NKAIN2: variants seen among roughly 807,000 people sequenced by gnomAD.
NKAIN2 encodes the protein sodium/potassium-transporting ATPase subunit beta-1-interacting protein 2.
In NKAIN2, 14 loss-of-function variants were observed where a neutral mutation model predicts 32.6. The ratio of observed to expected loss-of-function variants is 0.43; its 90% CI spans 0.28 to 0.67. The LOEUF is 0.67. Among genes scored for constraint, NKAIN2 ranks in the 30% least tolerant of loss-of-function variants. NKAIN2 has a pLI of 0.17. For synonymous variants in NKAIN2, 80 were observed against 87.2 expected, an observed-to-expected ratio of 0.92 and a Z score of 0.46; for missense variants, 198 against 258.3, an observed-to-expected ratio of 0.77 and a Z score of 1.60.
chr6:124,579,808 A>G (rs911743746), intron 3 of NKAIN2, among the ~76,000 whole-genome samples: 2 of 152,230 alleles, frequency 1.3e-5, no homozygotes, highest in African/African-American at 4.8e-5. Flanking sequence ...GGTCAAGGAT[A>G]AAGAAAGAAC....
At chr6:124,403,281 A>G (rs1773707415) in intron 3 of NKAIN2, among the ~76,000 whole-genome samples, 3 of 150,070 alleles carry the variant, frequency 2.0e-5, no homozygotes, top group South Asian at 4.2e-4. Flanking sequence ...AATTATTTCT[A>G]TATAGAGATA....
At chr6:123,913,865 A>G (rs1055914902) in intron 1 of NKAIN2, among the ~76,000 whole-genome samples, 8 of 152,168 alleles carry the variant, frequency 5.3e-5, no homozygotes, top group African/African-American at 1.9e-4. Flanking sequence ...CTCAGGCAAT[A>G]TAATTAATAT....
chr6:124,499,066 C>T (rs1171434728), intron 3 of NKAIN2, among the ~76,000 whole-genome samples: 1 of 152,032 alleles, frequency 6.6e-6, no homozygotes, highest in Non-Finnish European at 1.5e-5. Context: ...CCTTATCCGG[C>T]CAATGTACTT....
intron 2 of NKAIN2, among the ~76,000 whole-genome samples, chr6:124,288,418 A>G (rs1434627201): frequency 6.6e-6 from 1 of 152,210 alleles, no homozygotes; most frequent in Non-Finnish European, 1.5e-5. Context: ...TTAGATTTTA[A>G]GTTGTGGTCT....
rs147135209 is a variant in NKAIN2, at chr6:124,486,057, T to C, written c.273+130710T>C. Among the ~76,000 whole-genome samples the C allele has an allele frequency of 5.8e-3, 881 of 152,344 alleles. 8 individuals carry two copies. Among genetic ancestry groups the C allele is most frequent in the African/African-American group, 0.02 (831 of 41,578 alleles). ...GATTGCTGAGTTTCAATTTGCATTA[T>C]TGATGTTAGCTCCTATCCAGTTTTC... is the stretch of plus-strand genomic sequence containing the variant. On this transcript the variant is annotated intron_variant, in intron 3 of 6. Coordinates refer to ENST00000368417, the MANE Select transcript of NKAIN2 (RefSeq NM_001040214.3).
chr6:124,682,883 C>G (rs544743514), intron 4 of NKAIN2, among the ~76,000 whole-genome samples: 1 of 152,168 alleles, frequency 6.6e-6, no homozygotes, highest in South Asian at 2.1e-4. Flanking sequence ...CTTTGCTTTA[C>G]TCAGGTTCTC....
chr6:124,776,302 T>A (rs1262396941), intron 4 of NKAIN2, among the ~76,000 whole-genome samples: 1 of 152,178 alleles, frequency 6.6e-6, no homozygotes, highest in African/African-American at 2.4e-5. Flanking sequence ...ACTGGCTTCT[T>A]GCTGACAGTA....
intron 1 of NKAIN2, among the ~76,000 whole-genome samples, chr6:123,810,228 C>T (rs188109378): frequency 2.0e-5 from 3 of 152,148 alleles, no homozygotes; most frequent in Admixed American, 6.5e-5. Context: ...GATTCAAACC[C>T]GGGTCTGTCT....
chr6:124,163,441 G>A (rs964772221), intron 1 of NKAIN2, among the ~76,000 whole-genome samples: 1 of 151,912 alleles, frequency 6.6e-6, no homozygotes, highest in African/African-American at 2.4e-5. Context: ...TATTATAGAT[G>A]TGGAAATGCA....
At chr6:124,513,087 C>G (rs1196106290) in intron 3 of NKAIN2, among the ~76,000 whole-genome samples, 1 of 152,126 alleles carries the variant, frequency 6.6e-6, no homozygotes, top group Admixed American at 6.5e-5. Flanking sequence ...GTGGAAAAGA[C>G]TCACGGACTC....
chr6:123,836,802 C>T (rs1467497798), intron 1 of NKAIN2, among the ~76,000 whole-genome samples: 1 of 152,124 alleles, frequency 6.6e-6, no homozygotes, highest in Non-Finnish European at 1.5e-5. Context: ...GAAGGTTACA[C>T]AGGAACTCTA....
At chr6:124,153,233 A>T (rs1787818807) in intron 1 of NKAIN2, among the ~76,000 whole-genome samples, 1 of 151,896 alleles carries the variant, frequency 6.6e-6, no homozygotes, top group Non-Finnish European at 1.5e-5. Flanking sequence ...AATTCTATCT[A>T]TGTATCAAAA....
At chr6:124,003,413 C>A (rs1054135488) in intron 1 of NKAIN2, among the ~76,000 whole-genome samples, 2 of 152,172 alleles carry the variant, frequency 1.3e-5, no homozygotes, top group African/African-American at 4.8e-5. Context: ...CATATTTCAC[C>A]TCTGATGGTA....
intron 2 of NKAIN2, among the ~76,000 whole-genome samples, chr6:124,343,025 C>T (rs1389410669): frequency 7.4e-6 from 1 of 135,238 alleles, no homozygotes; most frequent in East Asian, 2.3e-4. Context: ...TGTTCCCCTT[C>T]CTGTGTTCAT....
In NKAIN2 at chr6:124,097,181, G is replaced by A. The variant is rs550951040; in HGVS notation, c.55-185824G>A. Among the ~76,000 whole-genome samples the A allele has an allele frequency of 1.7e-4, 26 of 151,792 alleles. No individual in the cohort carries two copies. In the East Asian group the frequency reaches 4.3e-3, roughly 25 times the overall value. The stretch of plus-strand genomic sequence containing the variant: ...TCCCAGCACTTTGGGAGGCTGAGGC[G>A]GGCAGATCACGAGGTCGAGACCATC... On this transcript the variant is annotated intron_variant, in intron 1 of 6. Transcript: ENST00000368417.
At chr6:124,656,575 G>T (rs143003661) in intron 3 of NKAIN2, among the ~76,000 whole-genome samples, 1 of 151,946 alleles carries the variant, frequency 6.6e-6, no homozygotes, top group African/African-American at 2.4e-5. Flanking sequence ...GGTTTTCAGA[G>T]ACCCTGCATT....
intron 4 of NKAIN2, among the ~76,000 whole-genome samples, chr6:124,703,273 G>GA (rs144679503): frequency 0.065 from 9,638 of 148,176 alleles, 358 homozygotes; most frequent in African/African-American, 0.1. Context: ...AAGACTAAAG[G>GA]AAAAAAAAAC....
intron 4 of NKAIN2, among the ~76,000 whole-genome samples, chr6:124,718,613 G>C (rs1178687018): frequency 3.3e-5 from 5 of 152,130 alleles, no homozygotes; most frequent in African/African-American, 9.6e-5. Flanking sequence ...TTCCTATGAA[G>C]AAATTCACAA....
chr6:124,472,805 C>T (rs1275795190), intron 3 of NKAIN2, among the ~76,000 whole-genome samples: 1 of 150,388 alleles, frequency 6.6e-6, no homozygotes, highest in East Asian at 1.9e-4. Context: ...TATTTTTAGT[C>T]TAGTAGATGT....
Sources: gnomAD v4.1 joint callset for allele counts (sites outside exome capture counted in the v4.1 genomes callset) on GRCh38, gnomAD v4.1.1 for gene constraint, MANE v1.5 for transcripts, NCBI Gene and HGNC (gene_info 2026-07-23, HGNC 2026-07-21) for gene names.